Variants in MESD observed in about 807,000 individuals in gnomAD.
MESD encodes mesoderm development LRP chaperone.
A neutral mutation model predicts 12.9 loss-of-function variants in MESD; 7 were observed. The ratio of observed to expected loss-of-function variants is 0.54; its 90% CI spans 0.31 to 1.02. The LOEUF (loss-of-function observed/expected upper bound fraction) is 1.02. Ranked by LOEUF, MESD falls within the 50% of genes least tolerant of loss-of-function variation. MESD has a pLI of 0.05. For synonymous variants in MESD, 126 were observed against 115.6 expected, an observed-to-expected ratio of 1.09 and a Z score of -0.58; for missense variants, 342 against 296.7, an observed-to-expected ratio of 1.15 and a Z score of -1.12.
intron 1 of MESD, among the ~76,000 whole-genome samples, chr15:80,983,266 G>T (rs1902634819): frequency 6.6e-6 from 1 of 151,028 alleles, no homozygotes; most frequent in African/African-American, 2.4e-5. Flanking sequence ...AAAAAGAAAA[G>T]AAATACTCCC....
At chr15:80,947,205 A>T (rs181023300), downstream of MESD, 1 of 648,756 alleles carries the variant, frequency 1.5e-6, no homozygotes, top group Admixed American at 2.3e-5. Flanking sequence ...TCCCCCACAC[A>T]ACTAGTGGTC....
intron 3 of MESD, among the ~76,000 whole-genome samples, chr15:80,956,307 T>C (rs1010569606): frequency 2.0e-5 from 3 of 152,172 alleles, no homozygotes; most frequent in Non-Finnish European, 2.9e-5. Context: ...GACGGAGAGC[T>C]CTGGGCTAAG....
chr15:80,954,014 A>T lies in MESD; in HGVS notation c.*289-1718T>A, dbSNP rs1052886441. 9.2e-5 allele frequency among the ~76,000 whole-genome samples: 14 copies of T among 152,170 alleles called. No homozygotes were observed. In the South Asian group the frequency reaches 2.5e-3, roughly 27 times the overall value. ...CATCCCCAATCCCCAGATGAGCCCTAATCCTCATCCCCTCCCACTGGCTCA... is the reference window on the plus strand; with the variant it reads ...CATCCCCAATCCCCAGATGAGCCCTTATCCTCATCCCCTCCCACTGGCTCA... On this transcript the variant is annotated intron_variant, in intron 3 of 4. Coordinates refer to the MESD transcript ENST00000561312.
chr15:80,975,035 A>G (rs761487733), downstream of MESD, among the ~76,000 whole-genome samples: 1 of 151,934 alleles, frequency 6.6e-6, no homozygotes, highest in Non-Finnish European at 1.5e-5. Context: ...AGTCACTTCT[A>G]GGGGAAAGAC....
chr15:80,960,736 C>T (rs926998904), intron 3 of MESD, among the ~76,000 whole-genome samples: 1 of 152,166 alleles, frequency 6.6e-6, no homozygotes, highest in African/African-American at 2.4e-5. Context: ...GTTTAAAATA[C>T]ATATCCCAGA....
chr15:80,955,468 C>T (rs1315251201), intron 3 of MESD, among the ~76,000 whole-genome samples: 16 of 124,538 alleles, frequency 1.3e-4, no homozygotes, highest in African/African-American at 4.2e-4. Context: ...CCAGCCTGGG[C>T]GACGGAGAGA....
At position 80,985,971 on chromosome 15, in the gene MESD, A is replaced by G. The variant is rs555750992; in HGVS notation, c.213+3608T>C. Reference sequence around the variant, plus strand: ...AGCCCAGTCCAGCACTTCTTTGTTAATGCAAATATAATTAAATAGTCGTAA... The same window carrying G: ...AGCCCAGTCCAGCACTTCTTTGTTAGTGCAAATATAATTAAATAGTCGTAA... On this transcript the variant is annotated intron_variant, in intron 1 of 2. Coordinates refer to ENST00000261758, the MANE Select transcript of MESD (RefSeq NM_015154.3). 8.5e-5 allele frequency among the ~76,000 whole-genome samples: 13 copies of G among 152,266 alleles called. No homozygotes were observed. In the South Asian group the frequency reaches 2.7e-3, roughly 32 times the overall value.
downstream of MESD, chr15:80,946,872 C>T: frequency 1.2e-6 from 1 of 825,514 alleles, no homozygotes. Flanking sequence ...CTGCTAACTC[C>T]AGTCCCACCA....
At chr15:80,953,849 C>T (rs372234378) in intron 3 of MESD, among the ~76,000 whole-genome samples, 9 of 152,126 alleles carry the variant, frequency 5.9e-5, no homozygotes, top group South Asian at 2.1e-4. Flanking sequence ...GAAAACGCAA[C>T]GGCACAAAGC....
At chr15:80,951,480 T>TTGTC (rs1567117312) in intron 4 of MESD, 3 of 152,664 alleles carry the variant, frequency 2.0e-5, no homozygotes, top group African/African-American at 7.2e-5. Flanking sequence ...TCTGAAATGC[T>TTGTC]TGTCTTTTTT....
At position 80,989,623 on chromosome 15, in the gene MESD, C is replaced by G; in HGVS notation, c.169G>C (p.Asp57His). The stretch of plus-strand genomic sequence containing the variant: ...CGCGCCATGTCTGCATCATTGTAAT[C>G]GCGAATATCCTTCTTCTTCTTCCGG... ...PPRKKKKDIR[D>H]YNDADMARLL... Residue 57 changes from aspartate to histidine, a missense_variant, in exon 1 of 3, where the codon GAT becomes CAT. Asp to His is a moderately conservative substitution (Grantham distance 81). Coordinates refer to ENST00000261758, the MANE Select transcript of MESD (RefSeq NM_015154.3). 6.2e-7 allele frequency: 1 copy of G among 1,614,044 alleles called. No homozygotes were observed. Among genetic ancestry groups the G allele is most frequent in the South Asian group, 1.1e-5 (1 of 91,080 alleles).
intron 3 of MESD, among the ~76,000 whole-genome samples, chr15:80,970,288 G>A (rs1902258239): frequency 6.6e-6 from 1 of 152,174 alleles, no homozygotes; most frequent in Non-Finnish European, 1.5e-5. Flanking sequence ...GATAACCACT[G>A]CAGACAGCTT....
At chr15:80,968,058 T>C (rs1394316085) in intron 3 of MESD, among the ~76,000 whole-genome samples, 2 of 152,182 alleles carry the variant, frequency 1.3e-5, no homozygotes, top group Non-Finnish European at 2.9e-5. Context: ...TACCAAAAAT[T>C]TCCTTGTACC....
chr15:80,958,006 G>A (rs1254987324), intron 3 of MESD, among the ~76,000 whole-genome samples: 1 of 151,910 alleles, frequency 6.6e-6, no homozygotes, highest in Non-Finnish European at 1.5e-5. Context: ...GGTAGCCCCT[G>A]GCCCAGTCAA....
intron 3 of MESD, among the ~76,000 whole-genome samples, chr15:80,956,289 G>A (rs1901982934): frequency 6.6e-6 from 1 of 152,168 alleles, no homozygotes; most frequent in Non-Finnish European, 1.5e-5. Context: ...ATGACATGAA[G>A]TGTGTTGGAC....
chr15:80,958,389 G>C (rs1370239658), intron 3 of MESD, among the ~76,000 whole-genome samples: 1 of 152,112 alleles, frequency 6.6e-6, no homozygotes, highest in African/African-American at 2.4e-5. Context: ...GAAGAGCAGT[G>C]GTGCGATCTT....
At chr15:80,969,592 C>T (rs117505832) in intron 3 of MESD, among the ~76,000 whole-genome samples, 2,247 of 152,156 alleles carry the variant, frequency 0.015, 24 homozygotes, top group Middle Eastern at 0.061. Flanking sequence ...TGGTGGCTCA[C>T]GCCTGTAACC....
In MESD at chr15:80,979,164, G is replaced by A. The variant is rs1902501856; in HGVS notation, c.*55C>T. 6.4e-7 allele frequency: 1 copy of A among 1,569,810 alleles called. No individual in the cohort carries two copies. The highest frequency in any genetic ancestry group is 1.4e-5 in the African/African-American group (1 of 73,752). On this transcript the variant is annotated 3_prime_UTR_variant, in exon 3 of 3. Transcript: ENST00000261758. ...GAGACCACTCCCACCCCAGGAGCTGGGCAAAGAGCTCTCCACGTCCACCTG... is the reference window on the plus strand; with the variant it reads ...GAGACCACTCCCACCCCAGGAGCTGAGCAAAGAGCTCTCCACGTCCACCTG...
intron 4 of MESD, chr15:80,948,917 AGTT>A: frequency 6.2e-7 from 1 of 1,612,132 alleles, no homozygotes; most frequent in Non-Finnish European, 8.5e-7. Context: ...AAGAAGAAGA[AGTT>A]GTGAGGACAG....
Sources: gnomAD v4.1 joint callset for allele counts (sites outside exome capture counted in the v4.1 genomes callset) on GRCh38, gnomAD v4.1.1 for gene constraint, MANE v1.5 for transcripts, NCBI Gene and HGNC (gene_info 2026-07-23, HGNC 2026-07-21) for gene names.